Variants in AOX1 observed in about 807,000 individuals in gnomAD.
The protein encoded by AOX1 is aldehyde oxidase.
A neutral mutation model predicts 169.5 loss-of-function variants in AOX1; 153 were observed. The observed-to-expected ratio is 0.90, with a 90% CI of 0.79 to 1.03. The LOEUF (loss-of-function observed/expected upper bound fraction) is 1.03, where lower values mean the gene tolerates loss of function less well. Among genes scored for constraint, AOX1 ranks in the 50% least tolerant of loss-of-function variants. AOX1 has a pLI of 0.00. For missense variants in AOX1, 1,656 were observed against 1,663.9 expected (o/e 1.00, Z 0.08); for synonymous variants, 562 against 581.9 (o/e 0.97, Z 0.49).
intron 26 of AOX1, among the ~76,000 whole-genome samples, chr2:200,655,070 A>G (rs1386051571): frequency 2.0e-5 from 3 of 152,254 alleles, no homozygotes; most frequent in Admixed American, 1.3e-4. Flanking sequence ...CCAACTATGA[A>G]TTACATGCAC....
At chr2:200,678,678 T>C (rs529699609), downstream of AOX1, 1 of 148,744 alleles carries the variant, frequency 6.7e-6, no homozygotes, top group Admixed American at 6.7e-5. Flanking sequence ...CTGTTTTTTC[T>C]AAGAAAATAT....
At chr2:200,615,425 C>T (rs1233931553) in intron 15 of AOX1, among the ~76,000 whole-genome samples, 1 of 152,192 alleles carries the variant, frequency 6.6e-6, no homozygotes, top group East Asian at 1.9e-4. Flanking sequence ...TGTAAAGAAC[C>T]AAATGACTCA....
At chr2:200,653,128 T>C (rs1055076428) in intron 26 of AOX1, among the ~76,000 whole-genome samples, 5 of 152,166 alleles carry the variant, frequency 3.3e-5, no homozygotes, top group African/African-American at 1.2e-4. Context: ...AAGCTGGGTT[T>C]TCTAGTTACA....
Position 200,604,043 on chromosome 2 carries a change from G to A in AOX1, c.615G>A (p.Glu205=). The part of the protein sequence containing the change: ...SKTSPKLFAE[E]EFLPLDPTQE... ...CAAGTCCAAAACTCTTCGCAGAAGA[G>A]GAGTTTCTGCCATTGGATCCAACCC... The change falls in exon 8 of 35, where the codon GAG becomes GAA. Residue 205 remains glutamate, a synonymous_variant. Coordinates refer to ENST00000374700, the MANE Select transcript of AOX1 (RefSeq NM_001159.4). The A allele has an allele frequency of 1.9e-6, 3 of 1,613,160 alleles. No homozygotes were observed. The highest frequency in any genetic ancestry group is 2.5e-6 in the Non-Finnish European group (3 of 1,179,164).
downstream of AOX1, among the ~76,000 whole-genome samples, chr2:200,672,098 A>G (rs1033028832): frequency 1.3e-5 from 2 of 152,224 alleles, no homozygotes; most frequent in African/African-American, 4.8e-5. Context: ...AGAACAGGCA[A>G]ATTCACAGAC....
At chr2:200,609,584 C>A (rs180948524) in intron 12 of AOX1, among the ~76,000 whole-genome samples, 170 bp downstream of exon 12, 1 of 152,172 alleles carries the variant, frequency 6.6e-6, no homozygotes, top group African/African-American at 2.4e-5. Context: ...ATAGCACAGG[C>A]TTTCTTCCCC....
rs749133202 is a variant in AOX1, at chr2:200,602,357, G to A, written c.498+12G>A. ...AGACTTTCTGTAAAGTAAGTGGAAA[G>A]GACCACATGTTTGAGTATGTTTTCC... On this transcript the variant is annotated intron_variant, in intron 6 of 34. Coordinates refer to ENST00000374700, the MANE Select transcript of AOX1 (RefSeq NM_001159.4). 1 of 1,611,764 alleles carries A rather than the reference G, an allele frequency of 6.2e-7. No homozygotes were observed. Among genetic ancestry groups the A allele is most frequent in the Admixed American group, 1.7e-5 (1 of 59,894 alleles).
chr2:200,611,503 T>C lies in AOX1; in HGVS notation c.1263+10T>C. 6.4e-7 allele frequency: 1 copy of C among 1,556,206 alleles called. No individual in the cohort carries two copies. The highest frequency in any genetic ancestry group is 8.9e-7 in the Non-Finnish European group (1 of 1,127,332). ...CCCCTACTCAAGGAAGGTGAGAACA[T>C]CCCACTGTCAATTTCCCAGTTGCAC... On this transcript the variant is annotated intron_variant, in intron 13 of 34. Transcript: ENST00000374700.
chr2:200,654,543 G>T (rs1275382077), intron 26 of AOX1, among the ~76,000 whole-genome samples: 3 of 152,194 alleles, frequency 2.0e-5, no homozygotes, highest in African/African-American at 7.2e-5. Flanking sequence ...TGCAATATCA[G>T]TGTACTTACT....
At chr2:200,601,332 T>A (rs2034409938) in intron 5 of AOX1, among the ~76,000 whole-genome samples, 1 of 152,120 alleles carries the variant, frequency 6.6e-6, no homozygotes, top group Admixed American at 6.5e-5. Flanking sequence ...GATGTATTCG[T>A]CAAAGGTAAA....
intron 25 of AOX1, among the ~76,000 whole-genome samples, chr2:200,649,479 T>A (rs2035535431): frequency 6.6e-6 from 1 of 152,194 alleles, no homozygotes; most frequent in Admixed American, 6.5e-5. Context: ...GCAGGAGTAG[T>A]CCACTTCCTT....
Position 200,670,744 on chromosome 2 carries a change from G to GA in AOX1, c.*65_*66insA. ...CCAGATGGCAATCTGTCCTATCTCT[G>GA]TGCTGGAAGATGCTAGATCTGAAAG... On this transcript the variant is annotated 3_prime_UTR_variant, in exon 35 of 35. Coordinates refer to ENST00000374700, the MANE Select transcript of AOX1 (RefSeq NM_001159.4). 1.5e-6 allele frequency: 2 copies of GA among 1,296,278 alleles called. No homozygotes were observed. Among genetic ancestry groups the GA allele is most frequent in the Non-Finnish European group, 2.2e-6 (2 of 903,058 alleles). 80.3% of individuals were successfully genotyped at this position (1,296,278 alleles called of 1,614,324 possible).
At chr2:200,662,797 C>A in intron 30 of AOX1, 58 bp from the exon 31 acceptor site, 2 of 1,365,264 alleles carry the variant, frequency 1.5e-6, no homozygotes, top group Non-Finnish European at 2.1e-6. Flanking sequence ...TCTGTTTAGT[C>A]ATCATGGTCT....
At chr2:200,594,137 A>G (rs1237056128) in intron 2 of AOX1, among the ~76,000 whole-genome samples, 2 of 152,190 alleles carry the variant, frequency 1.3e-5, no homozygotes, top group Non-Finnish European at 2.9e-5. Flanking sequence ...TTAGGGAGCC[A>G]TTTGATCACC....
chr2:200,662,208 C>G (rs1335291563), intron 30 of AOX1, among the ~76,000 whole-genome samples: 1 of 152,184 alleles, frequency 6.6e-6, no homozygotes, highest in African/African-American at 2.4e-5. Context: ...GGTGCGGGAC[C>G]TGGGCACTGA....
chr2:200,659,716 G>T (rs1261038598), intron 28 of AOX1, among the ~76,000 whole-genome samples: 1 of 151,884 alleles, frequency 6.6e-6, no homozygotes, highest in Non-Finnish European at 1.5e-5. Context: ...AGCAATGGCT[G>T]GTGGTTTTCC....
At chr2:200,620,590 T>C in intron 16 of AOX1, 60 bp from the exon 17 acceptor site, 1 of 1,373,800 alleles carries the variant, frequency 7.3e-7, no homozygotes. Flanking sequence ...ATGTGCATAA[T>C]AATAATTCCT....
At chr2:200,625,935 C>T (rs903663982) in intron 19 of AOX1, among the ~76,000 whole-genome samples, 14 of 151,990 alleles carry the variant, frequency 9.2e-5, no homozygotes, top group Admixed American at 8.5e-4. Flanking sequence ...TTGAATGGGG[C>T]AACGATCAAA....
intron 3 of AOX1, among the ~76,000 whole-genome samples, chr2:200,597,071 A>T (rs1302079635): frequency 6.6e-6 from 1 of 152,144 alleles, no homozygotes; most frequent in East Asian, 1.9e-4. Flanking sequence ...GTGACTAGAG[A>T]ATGTCAACCC....
Sources: gnomAD v4.1 joint callset for allele counts (sites outside exome capture counted in the v4.1 genomes callset) on GRCh38, gnomAD v4.1.1 for gene constraint, MANE v1.5 for transcripts, NCBI Gene and HGNC (gene_info 2026-07-23, HGNC 2026-07-21) for gene names.